IL16: variants seen among roughly 807,000 people sequenced by gnomAD.
IL16 encodes pro-interleukin-16.
Under a neutral mutation model 110.1 loss-of-function variants are expected in IL16, and 67 were observed. The ratio of observed to expected loss-of-function variants is 0.61; its 90% CI spans 0.50 to 0.75. IL16 has a LOEUF of 0.75. IL16 is among the 30% of genes least tolerant of loss of function. The probability of loss-of-function intolerance (pLI) is 0.00; values close to 1 mark genes in which losing one functional copy is unlikely to be tolerated. For missense variants in IL16, 1,545 were observed against 1,655.0 expected (o/e 0.93, Z 1.15); for synonymous variants, 689 against 662.9 (o/e 1.04, Z -0.61).
intron 1 of IL16, among the ~76,000 whole-genome samples, chr15:81,191,210 G>A (rs374012486): frequency 3.3e-5 from 5 of 152,282 alleles, no homozygotes; most frequent in African/African-American, 9.6e-5. Context: ...ATAACCGGAG[G>A]GTCATGAATG....
intron 1 of IL16, among the ~76,000 whole-genome samples, chr15:81,214,939 T>A (rs534352756): frequency 1.3e-5 from 2 of 152,374 alleles, no homozygotes; most frequent in South Asian, 4.1e-4. Context: ...GATTGTAGTA[T>A]GAAATTTTTG....
upstream of IL16, among the ~76,000 whole-genome samples, chr15:81,192,432 C>G (rs1383790949): frequency 6.6e-6 from 1 of 151,676 alleles, no homozygotes; most frequent in Admixed American, 6.6e-5. Flanking sequence ...GAGACCGTGT[C>G]TCTACAAAAA....
chr15:81,213,857 C>G (rs1332764904), intron 1 of IL16, among the ~76,000 whole-genome samples: 1 of 152,110 alleles, frequency 6.6e-6, no homozygotes, highest in Non-Finnish European at 1.5e-5. Flanking sequence ...TAAGTGGGAA[C>G]ATTTAGTCCA....
intron 1 of IL16, among the ~76,000 whole-genome samples, chr15:81,197,840 CT>C (rs1342190127): frequency 6.6e-6 from 1 of 152,040 alleles, no homozygotes; most frequent in East Asian, 1.9e-4. Flanking sequence ...TCTTCTCCTC[CT>C]GCCCTTATCA....
At chr15:81,191,544 C>T (rs1895497474) in intron 1 of IL16, among the ~76,000 whole-genome samples, 2 of 152,196 alleles carry the variant, frequency 1.3e-5, no homozygotes, top group African/African-American at 4.8e-5. Flanking sequence ...GATGAGGTCC[C>T]TGTGTGGGAC....
At chr15:81,264,151 C>A (rs1213635014) in intron 3 of IL16, among the ~76,000 whole-genome samples, 2 of 152,164 alleles carry the variant, frequency 1.3e-5, no homozygotes, top group Admixed American at 6.5e-5. Context: ...TCTCACCCCC[C>A]TTTCTTGATT....
chr15:81,275,043 A>G (rs911068322), intron 6 of IL16, among the ~76,000 whole-genome samples: 9 of 152,118 alleles, frequency 5.9e-5, no homozygotes, highest in African/African-American at 1.9e-4. Context: ...ACAGAGCCTG[A>G]GCAGAGGTCG....
Position 81,303,302 on chromosome 15 carries a change from G to C in IL16, c.3319-247G>C. ...ACTCCCCCTGCCCGGCTGTGGACAG[G>C]GTGAATGAGAGAGGAAAATAATTAT... is the stretch of plus-strand genomic sequence containing the variant. On this transcript the variant is annotated intron_variant, in intron 15 of 18. Coordinates refer to ENST00000683961, the MANE Select transcript of IL16 (RefSeq NM_172217.5). This position sits in a 1 kb window ranked among gnomAD's most constrained non-coding sequence, Gnocchi z 4.1. The C allele has an allele frequency of 2.2e-6, 1 of 464,118 alleles. No homozygotes were observed. Among genetic ancestry groups the C allele is most frequent in the South Asian group, 2.5e-5 (1 of 40,532 alleles). 28.7% of individuals were successfully genotyped at this position (464,118 alleles called of 1,614,324 possible). A position where few individuals can be genotyped will look rare whatever the true frequency, so the allele number is the denominator to read the frequency against.
intron 18 of IL16, chr15:81,306,901 T>C (rs1900596990): frequency 6.0e-6 from 2 of 332,440 alleles, no homozygotes; most frequent in South Asian, 5.3e-5. Flanking sequence ...ACTATTTTAA[T>C]GCAGCGTGTT....
At chr15:81,206,435 T>A (rs1297896820) in intron 1 of IL16, among the ~76,000 whole-genome samples, 1 of 152,230 alleles carries the variant, frequency 6.6e-6, no homozygotes, top group Non-Finnish European at 1.5e-5. Flanking sequence ...TATAAGCAGT[T>A]CTTTGTTGAC....
intron 2 of IL16, among the ~76,000 whole-genome samples, chr15:81,250,526 AT>A (rs796298106): frequency 1.3e-5 from 2 of 150,996 alleles, no homozygotes; most frequent in Non-Finnish European, 3.0e-5. Flanking sequence ...TTTTGCTTTG[AT>A]TTTTTTTTCT....
chr15:81,182,765 C>T lies in IL16; in HGVS notation c.-92C>T, dbSNP rs1194325928. Reference sequence around the variant, plus strand: ...TTAACTCATATTCAAATACTCCCAGCCGAGAAGCTGCCATCGATCCTCCCA... The same window carrying T: ...TTAACTCATATTCAAATACTCCCAGTCGAGAAGCTGCCATCGATCCTCCCA... On this transcript the variant is annotated 5_prime_UTR_variant, in exon 1 of 19. Transcript: ENST00000302987. 4 of 703,478 alleles carry T rather than the reference C, an allele frequency of 5.7e-6. No individual in the cohort carries two copies. In the African/African-American group the frequency reaches 7.3e-5, roughly 13 times the overall value. The allele number at this position is 703,478 out of a possible 1,614,324, so 43.6% of individuals were successfully genotyped here. A position where few individuals can be genotyped will look rare whatever the true frequency, so the allele number is the denominator to read the frequency against.
chr15:81,258,725 C>T (rs905520221), intron 2 of IL16, among the ~76,000 whole-genome samples: 2 of 143,206 alleles, frequency 1.4e-5, no homozygotes, highest in Admixed American at 1.4e-4. Context: ...GTCACTCGCG[C>T]ACGCGCTCTC....
chr15:81,267,493 C>CACACACACAT (rs1898441347), intron 4 of IL16, among the ~76,000 whole-genome samples: 1 of 150,610 alleles, frequency 6.6e-6, no homozygotes, highest in African/African-American at 2.5e-5. Flanking sequence ...CACACACACA[C>CACACACACAT]ACACACACAC....
rs1020168822 is a variant in IL16, at chr15:81,265,547, G to A, written c.422-112G>A. 3.4e-6 allele frequency: 4 copies of A among 1,184,346 alleles called. No individual in the cohort carries two copies. The Admixed American group carries it at 6.5e-5, about 19-fold the overall frequency. 73.4% of individuals were successfully genotyped at this position (1,184,346 alleles called of 1,614,324 possible). ...ACGCACCTGGCACAGGGTGTTAAGT[G>A]GTTTACAGTCACACTGGCCCCTGGC... On this transcript the variant is annotated intron_variant, in intron 3 of 18. Coordinates refer to ENST00000683961, the MANE Select transcript of IL16 (RefSeq NM_172217.5).
chr15:81,194,752 T>TTCC (rs1238591407), upstream of IL16, among the ~76,000 whole-genome samples: 2 of 152,164 alleles, frequency 1.3e-5, no homozygotes, highest in African/African-American at 2.4e-5. Context: ...GGCAGCATGC[T>TTCC]TCCTCCTCTA....
At chr15:81,248,810 C>T (rs1897663840) in intron 2 of IL16, among the ~76,000 whole-genome samples, 1 of 150,600 alleles carries the variant, frequency 6.6e-6, no homozygotes, top group African/African-American at 2.4e-5. Flanking sequence ...AAACTCCACC[C>T]CCTGGGTTCA....
At chr15:81,290,567 A>G (rs779553843) in intron 11 of IL16, 27 bp downstream of exon 11, 9 of 1,482,680 alleles carry the variant, frequency 6.1e-6, no homozygotes, top group African/African-American at 1.4e-5. Flanking sequence ...ACTTTGATGT[A>G]AAATATCTTT....
intron 1 of IL16, among the ~76,000 whole-genome samples, chr15:81,218,128 T>C (rs1251437453): frequency 6.6e-6 from 1 of 152,166 alleles, no homozygotes; most frequent in East Asian, 1.9e-4. Flanking sequence ...CAAAATAACC[T>C]ACTGAATAGT....
Sources: allele counts gnomAD v4.1 joint callset (sites outside exome capture counted in the v4.1 genomes callset), GRCh38; gene constraint gnomAD v4.1.1; non-coding constraint Gnocchi (gnomAD v3.1); transcripts MANE v1.5; gene names NCBI Gene and HGNC (gene_info 2026-07-23, HGNC 2026-07-21).